DNAJB1: variants seen among roughly 807,000 people sequenced by gnomAD.
The protein encoded by DNAJB1 is DnaJ heat shock protein family (Hsp40) member B1.
DNAJB1 carries 14 observed loss-of-function variants against 24.0 expected under a neutral mutation model. The observed-to-expected ratio is 0.58, with a 90% CI of 0.39 to 0.91. DNAJB1 has a LOEUF of 0.91. DNAJB1 is among the 40% of genes least tolerant of loss of function. DNAJB1 has a pLI of 0.00. For synonymous variants in DNAJB1, 262 were observed against 174.4 expected (o/e 1.50, Z -3.96); for missense variants, 517 against 458.1 (o/e 1.13, Z -1.17).
upstream of DNAJB1, chr19:14,530,070 C>T: frequency 5.1e-6 from 2 of 393,764 alleles, no homozygotes; most frequent in South Asian, 4.8e-5. Context: ...GAGTCTTGCA[C>T]AAATCTTGCG....
chr19:14,518,129 G>T lies in DNAJB1; in HGVS notation c.211+10C>A. 2 of 1,500,784 alleles carry T rather than the reference G, an allele frequency of 1.3e-6. No individual in the cohort carries two copies. Among genetic ancestry groups the T allele is most frequent in the African/African-American group, 1.4e-5 (1 of 69,512 alleles). The allele number at this position is 1,500,784 out of a possible 1,614,324, so 93.0% of individuals were successfully genotyped here. ...AAGGCGGGGCCGCGCCCCTGGCCGCGAGCACACACCTTCCTCCCCGTAGCG... is the reference window on the plus strand; with the variant it reads ...AAGGCGGGGCCGCGCCCCTGGCCGCTAGCACACACCTTCCTCCCCGTAGCG... On this transcript the variant is annotated intron_variant, in intron 1 of 2. Transcript: ENST00000254322.
upstream of DNAJB1, among the ~76,000 whole-genome samples, chr19:14,519,938 G>T (rs1021469904): frequency 2.0e-5 from 3 of 152,138 alleles, no homozygotes; most frequent in Admixed American, 6.5e-5. Flanking sequence ...AGGGAAGTGG[G>T]GGAGGTTCCT....
chr19:14,555,160 C>T (rs962180506), upstream of DNAJB1, among the ~76,000 whole-genome samples: 6 of 151,710 alleles, frequency 4.0e-5, no homozygotes, highest in Non-Finnish European at 5.9e-5. Context: ...CTCACTGCAG[C>T]CTGGAACTCC....
At chr19:14,526,091 G>T (rs1290356973) in intron 2 of DNAJB1, among the ~76,000 whole-genome samples, 1 of 152,198 alleles carries the variant, frequency 6.6e-6, no homozygotes, top group Non-Finnish European at 1.5e-5. Context: ...TCACATCTCT[G>T]GCATTCAAAT....
upstream of DNAJB1, among the ~76,000 whole-genome samples, chr19:14,522,986 G>T (rs1807694907): frequency 6.6e-6 from 1 of 152,010 alleles, no homozygotes; most frequent in Admixed American, 6.6e-5. Context: ...AGCTGAGGCG[G>T]GTGGATCACT....
chr19:14,523,205 C>CGAAAA (rs370238901), upstream of DNAJB1, among the ~76,000 whole-genome samples: 395 of 151,212 alleles, frequency 2.6e-3, 2 homozygotes, highest in African/African-American at 8.9e-3. Flanking sequence ...GACTCTGTCT[C>CGAAAA]GAAAAGAAAA....
intron 2 of DNAJB1, 26 bp from the exon 3 acceptor site, chr19:14,516,196 G>C (rs535218742): frequency 4.3e-6 from 7 of 1,611,884 alleles, no homozygotes; most frequent in Non-Finnish European, 5.9e-6. Flanking sequence ...GACAGCATTA[G>C]ATGGAAGCTG....
upstream of DNAJB1, among the ~76,000 whole-genome samples, chr19:14,533,536 G>T (rs2072752269): frequency 6.6e-6 from 1 of 152,142 alleles, no homozygotes; most frequent in Non-Finnish European, 1.5e-5. Flanking sequence ...AGATTATGAA[G>T]TGCAGTTTAC....
intron 1 of DNAJB1, among the ~76,000 whole-genome samples, chr19:14,539,407 AG>A (rs1252656940): frequency 6.6e-6 from 1 of 152,026 alleles, no homozygotes; most frequent in African/African-American, 2.4e-5. Context: ...GAATCATCCC[AG>A]GAAGTGGAGG....
chr19:14,548,659 C>T (rs896027025), intron 1 of DNAJB1, among the ~76,000 whole-genome samples: 2 of 152,000 alleles, frequency 1.3e-5, no homozygotes, highest in East Asian at 1.9e-4. Context: ...CTCACTGCAA[C>T]CTCCGCTTCC....
At chr19:14,559,101 C>A (rs961315566) in intron 1 of DNAJB1, among the ~76,000 whole-genome samples, 1 of 152,284 alleles carries the variant, frequency 6.6e-6, no homozygotes, top group African/African-American at 2.4e-5. Flanking sequence ...ACCTCTCCTG[C>A]TCCTCCCACC....
rs985732805 is a variant in DNAJB1, at chr19:14,514,833, T to C, written c.*1107A>G. 2 of 152,626 alleles carry C rather than the reference T, an allele frequency of 1.3e-5. No individual in the cohort carries two copies. The highest frequency in any genetic ancestry group is 6.5e-5 in the Admixed American group (1 of 15,274). 9.5% of individuals were successfully genotyped at this position (152,626 alleles called of 1,614,324 possible). A position where few individuals can be genotyped will look rare whatever the true frequency, so the allele number is the denominator to read the frequency against. On this transcript the variant is annotated 3_prime_UTR_variant, in exon 3 of 3. Coordinates refer to ENST00000254322, the MANE Select transcript of DNAJB1 (RefSeq NM_006145.3). ...TGACTAGTCACACACTTTGGTCTCA[T>C]GTTGGCAGTGGCAACTTACAATGAG...
chr19:14,529,864 T>C, upstream of DNAJB1: 1 of 1,048,976 alleles, frequency 9.5e-7, no homozygotes, highest in South Asian at 1.3e-5. Context: ...CCCGGGCCAC[T>C]CGTAAATTCC....
At chr19:14,556,108 C>T (rs975162388) in intron 1 of DNAJB1, among the ~76,000 whole-genome samples, 1 of 152,162 alleles carries the variant, frequency 6.6e-6, no homozygotes, top group African/African-American at 2.4e-5. Context: ...TGGCACAGAC[C>T]GCCACATCAC....
chr19:14,516,427 C>A, intron 2 of DNAJB1, 39 bp downstream of exon 2: 1 of 1,584,928 alleles, frequency 6.3e-7, no homozygotes, highest in South Asian at 1.1e-5. Context: ...AAAAAGCAGC[C>A]ATCGCCCTCT....
At chr19:14,538,286 C>T (rs2072975425) in intron 1 of DNAJB1, among the ~76,000 whole-genome samples, 1 of 152,100 alleles carries the variant, frequency 6.6e-6, no homozygotes, top group Non-Finnish European at 1.5e-5. Flanking sequence ...AGGCCACCCA[C>T]TCTGTCCTTG....
upstream of DNAJB1, chr19:14,531,667 C>T (rs1487114775): frequency 6.6e-6 from 1 of 152,198 alleles, no homozygotes; most frequent in Non-Finnish European, 1.5e-5. Flanking sequence ...GGTGATCCAC[C>T]CACCTTGGCC....
rs369143149 is a variant in DNAJB1 at position 14,527,165 on chromosome 19, C to CTTTTTTTT, written c.-90+553_-90+560dup. On this transcript the variant is annotated intron_variant, in intron 2 of 3. Coordinates refer to the DNAJB1 transcript ENST00000396969. ...AACTGCCACCAGAAAAATATCTCTG[C>CTTTTTTTT]TTTTTTTTTTTTTTTTTTTTTTTTT... 7.6e-3 allele frequency among the ~76,000 whole-genome samples: 313 copies of CTTTTTTTT among 41,304 alleles called. 54 individuals are homozygous for CTTTTTTTT. The highest frequency in any genetic ancestry group is 9.3e-3 in the African/African-American group (86 of 9,250). 27.1% of individuals were successfully genotyped at this position (41,304 alleles called of 152,430 possible).
upstream of DNAJB1, among the ~76,000 whole-genome samples, chr19:14,520,420 A>T (rs1054759238): frequency 6.6e-6 from 1 of 152,062 alleles, no homozygotes; most frequent in African/African-American, 2.4e-5. Context: ...AGCCTGGGTG[A>T]CAGTGAGACC....
Sources: allele counts gnomAD v4.1 joint callset (sites outside exome capture counted in the v4.1 genomes callset), GRCh38; gene constraint gnomAD v4.1.1; transcripts MANE v1.5; gene names NCBI Gene and HGNC (gene_info 2026-07-23, HGNC 2026-07-21).